Variants in GABRB2 observed in about 807,000 individuals in gnomAD.
GABRB2 encodes gamma-aminobutyric acid type A receptor subunit beta2.
GABRB2 carries 16 observed loss-of-function variants against 54.7 expected under a neutral mutation model. That is an observed-to-expected ratio of 0.29 (90% CI 0.20 to 0.44). The LOEUF is 0.44. GABRB2 is among the 20% of genes least tolerant of loss of function. GABRB2 has a pLI of 1.00. For missense variants in GABRB2, 355 were observed against 644.0 expected (o/e 0.55, Z 4.86); for synonymous variants, 244 against 233.8 (o/e 1.04, Z -0.40).
chr5:161,476,593 T>A (rs574830699), intron 3 of GABRB2, among the ~76,000 whole-genome samples: 2 of 151,798 alleles, frequency 1.3e-5, no homozygotes, highest in South Asian at 4.2e-4. Flanking sequence ...TAAACACAAA[T>A]GTATGGCCAA....
At chr5:161,402,972 G>A (rs1249971853) in intron 5 of GABRB2, among the ~76,000 whole-genome samples, 1 of 152,080 alleles carries the variant, frequency 6.6e-6, no homozygotes, top group Non-Finnish European at 1.5e-5. Flanking sequence ...AATCCCCAGC[G>A]ATTTTATAAT....
At chr5:161,481,231 T>G (rs1758753296) in intron 3 of GABRB2, among the ~76,000 whole-genome samples, 1 of 152,048 alleles carries the variant, frequency 6.6e-6, no homozygotes, top group South Asian at 2.1e-4. Context: ...ATATTAGATG[T>G]GGCCACATAA....
intron 5 of GABRB2, among the ~76,000 whole-genome samples, chr5:161,387,574 A>G (rs930541117): frequency 2.0e-5 from 3 of 152,194 alleles, no homozygotes; most frequent in African/African-American, 7.2e-5. Flanking sequence ...TGTCAGGTAT[A>G]TATGCCACAC....
intron 5 of GABRB2, among the ~76,000 whole-genome samples, chr5:161,337,870 A>G (rs1042685956): frequency 6.6e-6 from 1 of 152,168 alleles, no homozygotes; most frequent in African/African-American, 2.4e-5. Flanking sequence ...GAACTTTTGC[A>G]TCTGGATAGT....
At chr5:161,430,018 G>A (rs1757131130) in intron 4 of GABRB2, among the ~76,000 whole-genome samples, 3 of 152,088 alleles carry the variant, frequency 2.0e-5, no homozygotes, top group African/African-American at 7.2e-5. Flanking sequence ...TAAAAGTATT[G>A]TGTTAGTCAA....
chr5:161,537,175 G>A lies in GABRB2; in HGVS notation c.237+8052C>T, dbSNP rs371120075. Among the ~76,000 whole-genome samples, 18 of 152,068 alleles carry A rather than the reference G, an allele frequency of 1.2e-4. No homozygotes were observed. The East Asian group carries it at 1.7e-3, about 15-fold the overall frequency. On this transcript the variant is annotated intron_variant, in intron 3 of 9. Transcript: ENST00000393959. ...ACTGCTACTTATTTATCTCTTCTGT[G>A]AGCTCCTTTTCTGTCTTCCACTATC...
intron 3 of GABRB2, among the ~76,000 whole-genome samples, chr5:161,512,152 G>A (rs1759791694): frequency 6.6e-6 from 1 of 151,814 alleles, no homozygotes. Context: ...ACTTAAAATG[G>A]CCATACTGCC....
intron 3 of GABRB2, among the ~76,000 whole-genome samples, chr5:161,477,517 T>C (rs1381769231): frequency 6.6e-6 from 1 of 151,942 alleles, no homozygotes; most frequent in Non-Finnish European, 1.5e-5. Flanking sequence ...TCCACGTTCA[T>C]AGCAGTATGA....
intron 3 of GABRB2, among the ~76,000 whole-genome samples, chr5:161,468,750 C>T (rs1041231749): frequency 4.0e-5 from 6 of 151,668 alleles, no homozygotes; most frequent in Non-Finnish European, 8.8e-5. Flanking sequence ...ATAAAAAACC[C>T]CCCAAATTAT....
In GABRB2 at chr5:161,334,779, C is replaced by T. The variant is rs767123028; in HGVS notation, c.805G>A (p.Asp269Asn). The T allele has an allele frequency of 1.2e-6, 2 of 1,613,772 alleles. No individual in the cohort carries two copies. The highest frequency in any genetic ancestry group is 1.3e-5 in the African/African-American group (1 of 74,910). ...LSWVSFWINY[D>N]ASAARVALGI... ...AATGCCACCCTTGCAGCTGAAGCAT[C>T]GTAATTAATCCAGAAGGAGACCCAG... Residue 269 changes from aspartate to asparagine, a missense_variant, in exon 7 of 10, where the codon GAT (aspartate) becomes AAT (asparagine). Asp to Asn is a conservative substitution (Grantham distance 23). Transcript: ENST00000393959.
rs949518347 is a variant in GABRB2 at position 161,508,291 on chromosome 5, G to A, written c.237+36936C>T. On this transcript the variant is annotated intron_variant, in intron 3 of 9. Coordinates refer to ENST00000393959, the MANE Select transcript of GABRB2 (RefSeq NM_001371727.1). ...GCCCAACAATGTTTTAGACAATAGAGACATAGCAAAGTAGATACCAGGTTC... is the reference window on the plus strand; with the variant it reads ...GCCCAACAATGTTTTAGACAATAGAAACATAGCAAAGTAGATACCAGGTTC... Among the ~76,000 whole-genome samples, 42 of 150,014 alleles carry A rather than the reference G, an allele frequency of 2.8e-4. 1 individual carries two copies. The highest frequency in any genetic ancestry group is 1.0e-3 in the African/African-American group (41 of 40,770).
Position 161,446,461 on chromosome 5 carries a change from G to A in GABRB2, c.458+13163C>T, listed in dbSNP as rs553730040. Among the ~76,000 whole-genome samples the A allele has an allele frequency of 2.0e-5, 3 of 152,108 alleles. 1 individual carries two copies. In the East Asian group the frequency reaches 5.8e-4, roughly 29 times the overall value. On this transcript the variant is annotated intron_variant, in intron 4 of 9. Transcript: ENST00000393959. ...CAGCTATTCCTCTTAAGAGAATTCTGAGTACGTCCCTGTCTGCTCTGCCAC... is the reference window on the plus strand; with the variant it reads ...CAGCTATTCCTCTTAAGAGAATTCTAAGTACGTCCCTGTCTGCTCTGCCAC...
chr5:161,341,716 C>T lies in GABRB2; in HGVS notation c.542-4947G>A, dbSNP rs1305332424. 2.0e-5 allele frequency among the ~76,000 whole-genome samples: 3 copies of T among 151,116 alleles called. 1 individual carries two copies. In the South Asian group the frequency reaches 6.2e-4, roughly 31 times the overall value. On this transcript the variant is annotated intron_variant, in intron 5 of 9. Transcript: ENST00000393959. ...CATTTACACAATAACTAAATATGATCTCACAACTGTGACATTATCTGATTA... is the reference window on the plus strand; with the variant it reads ...CATTTACACAATAACTAAATATGATTTCACAACTGTGACATTATCTGATTA...
intron 4 of GABRB2, among the ~76,000 whole-genome samples, chr5:161,415,614 C>T (rs1207077279): frequency 1.3e-5 from 2 of 151,854 alleles, no homozygotes; most frequent in Non-Finnish European, 2.9e-5. Flanking sequence ...TGTTTGTTTG[C>T]TTTTGTTTTT....
intron 3 of GABRB2, among the ~76,000 whole-genome samples, chr5:161,531,320 A>G (rs1366203587): frequency 6.6e-6 from 1 of 152,146 alleles, no homozygotes; most frequent in African/African-American, 2.4e-5. Context: ...TGAAAATTCT[A>G]TATCCTCACA....
intron 5 of GABRB2, among the ~76,000 whole-genome samples, chr5:161,347,467 G>C (rs1754350791): frequency 6.6e-6 from 1 of 152,098 alleles, no homozygotes; most frequent in Non-Finnish European, 1.5e-5. Context: ...CGCATGCAGA[G>C]GTAGAGTATT....
Position 161,511,020 on chromosome 5 carries a change from A to G in GABRB2, c.237+34207T>C, listed in dbSNP as rs140666635. ...CACCAACAGTATTTTGATTATTTGTACCCATACTAATAATTGATCACAGTA... is the reference window on the plus strand; with the variant it reads ...CACCAACAGTATTTTGATTATTTGTGCCCATACTAATAATTGATCACAGTA... On this transcript the variant is annotated intron_variant, in intron 3 of 9. Transcript: ENST00000393959. Among the ~76,000 whole-genome samples the G allele has an allele frequency of 2.6e-4, 39 of 152,122 alleles. No individual in the cohort carries two copies. In the East Asian group the frequency reaches 7.3e-3, roughly 29 times the overall value.
chr5:161,523,284 T>A (rs991782197), intron 3 of GABRB2, among the ~76,000 whole-genome samples: 8 of 151,520 alleles, frequency 5.3e-5, no homozygotes, highest in African/African-American at 1.9e-4. Flanking sequence ...ATCCTACCTT[T>A]ATTAGTTTTA....
At chr5:161,531,596 T>G in intron 3 of GABRB2, among the ~76,000 whole-genome samples, 1 of 152,122 alleles carries the variant, frequency 6.6e-6, no homozygotes, top group Non-Finnish European at 1.5e-5. Context: ...ACTATATTCA[T>G]AGAAAACAGT....
Sources: allele counts gnomAD v4.1 joint callset (sites outside exome capture counted in the v4.1 genomes callset), GRCh38; gene constraint gnomAD v4.1.1; transcripts MANE v1.5; gene names NCBI Gene and HGNC (gene_info 2026-07-23, HGNC 2026-07-21).